Variants in FBXL20 observed in about 807,000 individuals in gnomAD.
FBXL20 encodes the protein F-box and leucine rich repeat protein 20.
In FBXL20, 11 loss-of-function variants were observed where a neutral mutation model predicts 64.0. The observed-to-expected ratio is 0.17, with a 90% CI of 0.11 to 0.28. The LOEUF (loss-of-function observed/expected upper bound fraction) is 0.28. Among genes scored for constraint, FBXL20 ranks in the 10% least tolerant of loss-of-function variants. The pLI, the probability that FBXL20 is intolerant of heterozygous loss-of-function variation, is 1.00. For synonymous variants in FBXL20, 184 were observed against 189.0 expected (o/e 0.97, Z 0.22); for missense variants, 303 against 526.2 (o/e 0.58, Z 4.15).
intron 9 of FBXL20, among the ~76,000 whole-genome samples, chr17:39,278,610 C>T (rs568011392): frequency 7.2e-5 from 10 of 138,154 alleles, no homozygotes; most frequent in South Asian, 2.4e-4. Flanking sequence ...TACAATGGTG[C>T]GATCTCAGCT....
intron 2 of FBXL20, among the ~76,000 whole-genome samples, chr17:39,341,951 C>T (rs151304583): frequency 5.1e-4 from 78 of 152,310 alleles, no homozygotes; most frequent in African/African-American, 1.8e-3. Flanking sequence ...GTAGGCAATG[C>T]TGCAGTCTAA....
chr17:39,402,227 C>G, upstream of FBXL20: 1 of 1,232,128 alleles, frequency 8.1e-7, no homozygotes, highest in East Asian at 3.2e-5. Context: ...CCATTTTCCT[C>G]CTCTTCTGGA....
intron 2 of FBXL20, among the ~76,000 whole-genome samples, chr17:39,334,039 T>A (rs2363982): frequency 6.6e-6 from 1 of 151,968 alleles, no homozygotes; most frequent in East Asian, 1.9e-4. Flanking sequence ...AAGGGGGAAA[T>A]GTGGGGAAAA....
At chr17:39,261,712 G>C in intron 14 of FBXL20, 145 bp from the exon 15 acceptor site, 1 of 613,788 alleles carries the variant, frequency 1.6e-6, no homozygotes, top group Non-Finnish European at 2.9e-6. Flanking sequence ...AGAGGGCCTG[G>C]GTTCTACTTT....
In FBXL20 at chr17:39,300,182, G is replaced by A. The variant is rs546804333; in HGVS notation, c.234+819C>T. ...TTACATCCATGAAGGGTATAGAATT[G>A]TGAAAAACAAAATCCCATATAATGC... is the stretch of plus-strand genomic sequence containing the variant. On this transcript the variant is annotated intron_variant, in intron 4 of 14. Coordinates refer to ENST00000264658, the MANE Select transcript of FBXL20 (RefSeq NM_032875.3). Among the ~76,000 whole-genome samples, 83 of 152,264 alleles carry A rather than the reference G, an allele frequency of 5.5e-4. 1 individual carries two copies. Among genetic ancestry groups the A allele is most frequent in the African/African-American group, 1.7e-3 (70 of 41,550 alleles).
intron 1 of FBXL20, among the ~76,000 whole-genome samples, chr17:39,347,267 A>G (rs2047642749): frequency 6.6e-6 from 1 of 152,154 alleles, no homozygotes; most frequent in Admixed American, 6.6e-5. Context: ...GAATCGCCAC[A>G]CTGTCTTCCA....
At chr17:39,263,948 G>A (rs1015371237) in intron 14 of FBXL20, 54 of 511,824 alleles carry the variant, frequency 1.1e-4, no homozygotes, top group Non-Finnish European at 9.8e-5. Context: ...CTGCTGGGAG[G>A]AGACCTACTT....
chr17:39,386,665 T>C (rs1002748565), intron 1 of FBXL20, among the ~76,000 whole-genome samples: 6 of 152,130 alleles, frequency 3.9e-5, no homozygotes, highest in African/African-American at 1.2e-4. Context: ...TAGACCTCTA[T>C]CTTATTTCCA....
At chr17:39,377,014 G>GT (rs1042637469) in intron 1 of FBXL20, among the ~76,000 whole-genome samples, 3 of 152,138 alleles carry the variant, frequency 2.0e-5, no homozygotes, top group African/African-American at 4.8e-5. Flanking sequence ...AACAAAGACC[G>GT]TAACAGCCCT....
At chr17:39,284,077 T>C (rs1425598970) in intron 7 of FBXL20, among the ~76,000 whole-genome samples, 2 of 152,180 alleles carry the variant, frequency 1.3e-5, no homozygotes, top group Non-Finnish European at 2.9e-5. Flanking sequence ...ACAATAACAG[T>C]TGACTGTGAG....
intron 5 of FBXL20, chr17:39,297,396 A>G: frequency 2.7e-6 from 1 of 366,844 alleles, no homozygotes; most frequent in Admixed American, 4.1e-5. Flanking sequence ...CCTGAGTGAT[A>G]GTATCTTTTG....
chr17:39,281,156 T>A (rs1472713946), intron 9 of FBXL20, among the ~76,000 whole-genome samples: 2 of 152,138 alleles, frequency 1.3e-5, no homozygotes, highest in Non-Finnish European at 2.9e-5. Context: ...GGAGCTACAG[T>A]TAGTTCATCT....
At chr17:39,363,439 G>A (rs1360509025) in intron 1 of FBXL20, among the ~76,000 whole-genome samples, 2 of 152,124 alleles carry the variant, frequency 1.3e-5, no homozygotes, top group African/African-American at 4.8e-5. Flanking sequence ...TTACAGGTGT[G>A]AGCCACCACA....
At chr17:39,303,709 C>T (rs2047157835) in intron 2 of FBXL20, 70 bp from the exon 3 acceptor site, 1 of 1,378,682 alleles carries the variant, frequency 7.3e-7, no homozygotes, top group Non-Finnish European at 1.0e-6. Flanking sequence ...TATTTTGAGA[C>T]AGGGTCTCAC....
rs542836234 is a variant in FBXL20, at chr17:39,268,754, T to G, written c.933+73A>C. 6.1e-6 allele frequency: 8 copies of G among 1,310,460 alleles called. No homozygotes were observed. The African/African-American group carries it at 1.2e-4, about 19-fold the overall frequency. The allele number at this position is 1,310,460 out of a possible 1,614,324, so 81.2% of individuals were successfully genotyped here. On this transcript the variant is annotated intron_variant, in intron 12 of 14. Coordinates refer to ENST00000264658, the MANE Select transcript of FBXL20 (RefSeq NM_032875.3). ...AGTATCCTACACTAGGGTAGGGAAT[T>G]GCACATTCTGATGTTGTGTATTATC... is the stretch of plus-strand genomic sequence containing the variant.
chr17:39,333,513 C>T (rs766084774), intron 2 of FBXL20, among the ~76,000 whole-genome samples: 20 of 152,226 alleles, frequency 1.3e-4, no homozygotes, highest in Non-Finnish European at 2.6e-4. Flanking sequence ...ACCTCCCAGC[C>T]GCCTGCCTTG....
rs139765789 is a variant in FBXL20 at position 39,374,169 on chromosome 17, G to A, written c.42+27192C>T. On this transcript the variant is annotated intron_variant, in intron 1 of 14. Coordinates refer to ENST00000264658, the MANE Select transcript of FBXL20 (RefSeq NM_032875.3). ...GAACCTGGGAGGTGGAAGTTGCAGT[G>A]AGCCAAGATCACGGCACTGCACACT... Among the ~76,000 whole-genome samples the A allele has an allele frequency of 6.6e-5, 10 of 151,778 alleles. No individual in the cohort carries two copies. In the East Asian group the frequency reaches 1.9e-3, roughly 29 times the overall value.
rs970766396 is a variant in FBXL20 at position 39,256,851 on chromosome 17, A to C, written c.*4609T>G. 6.6e-6 allele frequency: 1 copy of C among 152,214 alleles called. No homozygotes were observed. Among genetic ancestry groups the C allele is most frequent in the African/African-American group, 2.4e-5 (1 of 41,426 alleles). The allele number at this position is 152,214 out of a possible 1,614,324, so 9.4% of individuals were successfully genotyped here. On this transcript the variant is annotated 3_prime_UTR_variant, in exon 15 of 15. Coordinates refer to ENST00000264658, the MANE Select transcript of FBXL20 (RefSeq NM_032875.3). ...ATGCTGACTAAACAAGCAGGCAGGAAGCCACTCTCTTCTTTCCAGTGACAC... is the reference window on the plus strand; with the variant it reads ...ATGCTGACTAAACAAGCAGGCAGGACGCCACTCTCTTCTTTCCAGTGACAC...
At chr17:39,318,952 T>C (rs1289689918) in intron 2 of FBXL20, among the ~76,000 whole-genome samples, 1 of 151,640 alleles carries the variant, frequency 6.6e-6, no homozygotes, top group Non-Finnish European at 1.5e-5. Flanking sequence ...TACAAGACAA[T>C]ATTAAAAAGA....
Sources: gnomAD v4.1 joint callset for allele counts (sites outside exome capture counted in the v4.1 genomes callset) on GRCh38, gnomAD v4.1.1 for gene constraint, MANE v1.5 for transcripts, NCBI Gene and HGNC (gene_info 2026-07-23, HGNC 2026-07-21) for gene names.